The following PDGFRA variants were observed in gnomAD, a reference collection of about 807,000 sequenced individuals.
PDGFRA encodes the protein platelet derived growth factor receptor alpha, also known as platelet-derived growth factor receptor alpha.
PDGFRA carries 25 observed loss-of-function variants against 121.5 expected under a neutral mutation model. That is an observed-to-expected ratio of 0.21 (90% CI 0.15 to 0.29). PDGFRA has a LOEUF of 0.29. Among genes scored for constraint, PDGFRA ranks in the 10% least tolerant of loss-of-function variants. The probability of loss-of-function intolerance (pLI) is 1.00; values close to 1 mark genes in which losing one functional copy is unlikely to be tolerated. For synonymous variants in PDGFRA, 463 were observed against 494.8 expected (o/e 0.94, Z 0.85); for missense variants, 1,008 against 1,345.1 (o/e 0.75, Z 3.92).
Position 54,272,487 on chromosome 4 carries a change from A to T in PDGFRA, c.1331A>T (p.Asp444Val), listed in dbSNP as rs1723460138. ...ACAGCTGAAGGCACGCCGCTTCCTG[A>T]TATTGAGTGGATGATATGCAAAGAT... is the stretch of plus-strand genomic sequence containing the variant. ...RCTAEGTPLPDIEWMICKDIK... is the reference protein window; with the variant it reads ...RCTAEGTPLPVIEWMICKDIK... Residue 444 changes from aspartate (D) to valine (V), a missense_variant, in exon 9 of 23, where the codon GAT (aspartate) becomes GTT (valine). By Grantham distance (152) the Asp-to-Val change is radical. Around this residue, in one of 5 missense-constraint regions of PDGFRA, gnomAD observed 575 missense variants for 701.8 expected, o/e 0.82. Coordinates refer to ENST00000257290, the MANE Select transcript of PDGFRA (RefSeq NM_006206.6). 1.4e-5 allele frequency: 23 copies of T among 1,614,104 alleles called. No homozygotes were observed. Among genetic ancestry groups the T allele is most frequent in the Non-Finnish European group, 1.9e-5 (23 of 1,179,992 alleles).
intron 16 of PDGFRA, among the ~76,000 whole-genome samples, chr4:54,282,212 C>T (rs1724115706): frequency 1.3e-5 from 2 of 151,970 alleles, no homozygotes; most frequent in South Asian, 2.1e-4. Flanking sequence ...TCTTTTATTG[C>T]TATAAATAAA....
At chr4:54,242,139 G>T (rs1450030331) in intron 1 of PDGFRA, among the ~76,000 whole-genome samples, 1 of 152,120 alleles carries the variant, frequency 6.6e-6, no homozygotes, top group African/African-American at 2.4e-5. Context: ...CTTTCATGGT[G>T]GTGGCCTGGG....
intron 21 of PDGFRA, among the ~76,000 whole-genome samples, chr4:54,289,896 G>A (rs1724540024): frequency 6.6e-6 from 1 of 152,210 alleles, no homozygotes; most frequent in African/African-American, 2.4e-5. Context: ...AGTTATTGTT[G>A]AAAATAGGGT....
At chr4:54,277,812 G>A in intron 13 of PDGFRA, 84 bp from the exon 14 acceptor site, 5 of 866,246 alleles carry the variant, frequency 5.8e-6, no homozygotes, top group Non-Finnish European at 9.8e-6. Flanking sequence ...TCCAATCACA[G>A]GATTAGTCAT....
intron 1 of PDGFRA, among the ~76,000 whole-genome samples, chr4:54,239,491 T>A (rs1199407581): frequency 6.6e-6 from 1 of 152,254 alleles, no homozygotes; most frequent in Non-Finnish European, 1.5e-5. Flanking sequence ...CCCTATGACA[T>A]CTTTTCTGGT....
At chr4:54,281,764 A>C (rs1724089519) in intron 16 of PDGFRA, 1 of 1,340,298 alleles carries the variant, frequency 7.5e-7, no homozygotes, top group Non-Finnish European at 9.8e-7. Context: ...TTCTGGATTA[A>C]ATTGCCTTCT....
chr4:54,247,342 C>A (rs1368498756), intron 1 of PDGFRA, among the ~76,000 whole-genome samples: 3 of 152,170 alleles, frequency 2.0e-5, no homozygotes, highest in Non-Finnish European at 4.4e-5. Flanking sequence ...CAAACAGAAT[C>A]CAGCAGCACA....
Position 54,280,324 on chromosome 4 carries a change from TTTTATC to T in PDGFRA, c.2169_2174del (p.Leu723_Ser724del), listed in dbSNP as rs770907747. 1 of 1,613,650 alleles carries T rather than the reference TTTTATC, an allele frequency of 6.2e-7. No homozygotes were observed. Among genetic ancestry groups the T allele is most frequent in the South Asian group, 1.1e-5 (1 of 91,072 alleles). On this transcript the variant is annotated inframe_deletion, in exon 16 of 23. Coordinates refer to ENST00000257290, the MANE Select transcript of PDGFRA (RefSeq NM_006206.6). Reference sequence around the variant, plus strand: ...TCTTTCTGTTTTTACAGCTATGTTATTTTATCTTTTGAAAACAATGGTGACTACATG... The same window carrying T: ...TCTTTCTGTTTTTACAGCTATGTTATTTTTGAAAACAATGGTGACTACATG...
In PDGFRA at chr4:54,270,882, A is replaced by G. The variant is rs571464597; in HGVS notation, c.1237+134A>G. On this transcript the variant is annotated intron_variant, in intron 8 of 22. Coordinates refer to ENST00000257290, the MANE Select transcript of PDGFRA (RefSeq NM_006206.6). Reference sequence around the variant, plus strand: ...GAAGCAGTGTCTGCATATGTCACATATCGGGAATACCTCTGCTGGACTCAT... The same window carrying G: ...GAAGCAGTGTCTGCATATGTCACATGTCGGGAATACCTCTGCTGGACTCAT... 9.3e-4 allele frequency: 645 copies of G among 693,490 alleles called. 5 individuals are homozygous for G. The highest frequency in any genetic ancestry group is 5.8e-3 in the South Asian group (387 of 66,460). 43.0% of individuals were successfully genotyped at this position (693,490 alleles called of 1,614,324 possible). A position where few individuals can be genotyped will look rare whatever the true frequency, so the allele number is the denominator to read the frequency against.
intron 19 of PDGFRA, among the ~76,000 whole-genome samples, chr4:54,288,574 T>G (rs1353685812): frequency 2.6e-5 from 4 of 152,194 alleles, no homozygotes; most frequent in Non-Finnish European, 5.9e-5. Flanking sequence ...GATGTAGAAT[T>G]TTTGTGATGG....
chr4:54,286,100 C>A, intron 18 of PDGFRA, 137 bp downstream of exon 18: 2 of 891,322 alleles, frequency 2.2e-6, no homozygotes, highest in Non-Finnish European at 3.7e-6. Flanking sequence ...ACTGCCTTGG[C>A]AGCAGATTGC....
chr4:54,287,293 C>T (rs1002116883), intron 18 of PDGFRA, 137 bp from the exon 19 acceptor site: 1 of 743,872 alleles, frequency 1.3e-6, no homozygotes, highest in Non-Finnish European at 2.5e-6. Flanking sequence ...GAACAAAACA[C>T]ATGTAAAAGA....
rs1247964968 is a variant in PDGFRA at position 54,295,692 on chromosome 4, A to T, written c.*420A>T. The T allele has an allele frequency of 3.4e-6, 1 of 297,000 alleles. No individual in the cohort carries two copies. Among genetic ancestry groups the T allele is most frequent in the Admixed American group, 4.6e-5 (1 of 21,610 alleles). The allele number at this position is 297,000 out of a possible 1,614,324, so 18.4% of individuals were successfully genotyped here. ...AACTATCTTCTTTGGACTTCTGAAG[A>T]GACCACTCAATCCATCCATGTACTT... is the stretch of plus-strand genomic sequence containing the variant. On this transcript the variant is annotated 3_prime_UTR_variant, in exon 23 of 23. Coordinates refer to ENST00000257290, the MANE Select transcript of PDGFRA (RefSeq NM_006206.6).
At chr4:54,255,933 T>G (rs1326925579) in intron 1 of PDGFRA, among the ~76,000 whole-genome samples, 2 of 152,164 alleles carry the variant, frequency 1.3e-5, no homozygotes, top group Admixed American at 6.5e-5. Context: ...CTCCATTGCA[T>G]GAGTTAGCAT....
chr4:54,260,208 C>A (rs1342547988), intron 2 of PDGFRA, among the ~76,000 whole-genome samples: 1 of 152,090 alleles, frequency 6.6e-6, no homozygotes, highest in African/African-American at 2.4e-5. Flanking sequence ...GAGCAAGACT[C>A]CATCTCATAA....
intron 1 of PDGFRA, among the ~76,000 whole-genome samples, chr4:54,237,994 C>T (rs1721105842): frequency 6.6e-6 from 1 of 152,200 alleles, no homozygotes; most frequent in Non-Finnish European, 1.5e-5. Context: ...TGCAAAACCT[C>T]TCTGAGCCTC....
chr4:54,263,993 G>GT, intron 4 of PDGFRA, 66 bp downstream of exon 4: 1 of 1,454,642 alleles, frequency 6.9e-7, no homozygotes, highest in Non-Finnish European at 9.4e-7. Flanking sequence ...GTGCGTGTAG[G>GT]ATTTTTTTTT....
chr4:54,296,614 C>A lies in PDGFRA; in HGVS notation c.*1342C>A, dbSNP rs1256181381. The A allele has an allele frequency of 4.3e-6, 1 of 232,484 alleles. No homozygotes were observed. The highest frequency in any genetic ancestry group is 8.5e-6 in the Non-Finnish European group (1 of 117,698). The allele number at this position is 232,484 out of a possible 1,614,324, so 14.4% of individuals were successfully genotyped here. A position where few individuals can be genotyped will look rare whatever the true frequency, so the allele number is the denominator to read the frequency against. On this transcript the variant is annotated 3_prime_UTR_variant, in exon 23 of 23. Coordinates refer to ENST00000257290, the MANE Select transcript of PDGFRA (RefSeq NM_006206.6). ...TGTGTGGCAGCCAGGATGACTAGAT[C>A]CTGGGTTTCCATCCTTGAGATTCTG...
At chr4:54,253,792 C>A (rs1722198990) in intron 1 of PDGFRA, among the ~76,000 whole-genome samples, 1 of 152,106 alleles carries the variant, frequency 6.6e-6, no homozygotes, top group Non-Finnish European at 1.5e-5. Context: ...TCAAGTGATT[C>A]TCATGCCTCA....
Sources: allele counts gnomAD v4.1 joint callset (sites outside exome capture counted in the v4.1 genomes callset), GRCh38; gene constraint gnomAD v4.1.1; regional missense constraint gnomAD v4.1.1; transcripts MANE v1.5; gene names NCBI Gene and HGNC (gene_info 2026-07-23, HGNC 2026-07-21).